PTPRD: variants seen among roughly 807,000 people sequenced by gnomAD.
PTPRD encodes receptor-type tyrosine-protein phosphatase delta.
A neutral mutation model predicts 214.5 loss-of-function variants in PTPRD; 34 were observed. The observed-to-expected ratio is 0.16, with a 90% CI of 0.12 to 0.21. PTPRD has a LOEUF of 0.21. Among genes scored for constraint, PTPRD ranks in the 10% least tolerant of loss-of-function variants. The pLI is 1.00. For synonymous variants in PTPRD, 1,128 were observed against 845.7 expected, an observed-to-expected ratio of 1.33 and a Z score of -5.79; for missense variants, 2,545 against 2,398.7, an observed-to-expected ratio of 1.06 and a Z score of -1.27.
chr9:10,044,322 C>T (rs2097350855), intron 3 of PTPRD, among the ~76,000 whole-genome samples: 1 of 151,770 alleles, frequency 6.6e-6, no homozygotes, highest in South Asian at 2.1e-4. Context: ...AATTATGCTA[C>T]TAAATTTTTC....
At chr9:8,558,302 C>T (rs1015718199) in intron 14 of PTPRD, among the ~76,000 whole-genome samples, 2 of 152,162 alleles carry the variant, frequency 1.3e-5, no homozygotes, top group African/African-American at 2.4e-5. Flanking sequence ...TTTCATTCAG[C>T]CTTGCCAGGA....
intron 7 of PTPRD, among the ~76,000 whole-genome samples, chr9:9,727,342 T>G (rs1479229500): frequency 1.3e-5 from 2 of 151,974 alleles, no homozygotes; most frequent in Non-Finnish European, 1.5e-5. Flanking sequence ...TCCCAGCTAC[T>G]CAGAAGTTGA....
In PTPRD at chr9:10,312,493, A is replaced by C. The variant is rs1425350239; in HGVS notation, c.-545+28470T>G. Among the ~76,000 whole-genome samples the C allele has an allele frequency of 5.3e-5, 8 of 152,118 alleles. No homozygotes were observed. In the East Asian group the frequency reaches 1.6e-3, roughly 29 times the overall value. Reference sequence around the variant, plus strand: ...GATTTTCAATAGGAAAACTCTAATAAGGTATTTTATAAAAACCTATCATAA... The same window carrying C: ...GATTTTCAATAGGAAAACTCTAATACGGTATTTTATAAAAACCTATCATAA... On this transcript the variant is annotated intron_variant, in intron 3 of 45. Coordinates refer to ENST00000381196, the MANE Select transcript of PTPRD (RefSeq NM_002839.4).
chr9:8,463,616 G>C (rs2096475684), intron 32 of PTPRD, among the ~76,000 whole-genome samples: 1 of 151,804 alleles, frequency 6.6e-6, no homozygotes, highest in African/African-American at 2.4e-5. Flanking sequence ...AGAGACATAT[G>C]AAAATGAAAA....
intron 36 of PTPRD, among the ~76,000 whole-genome samples, chr9:8,402,452 G>C (rs1325445284): frequency 6.6e-6 from 1 of 152,184 alleles, no homozygotes; most frequent in Non-Finnish European, 1.5e-5. Flanking sequence ...GTACAGCGAA[G>C]TGGTAGTTAT....
chr9:8,701,227 T>C (rs1339210038), intron 12 of PTPRD: 1 of 152,182 alleles, frequency 6.6e-6, no homozygotes, highest in Admixed American at 6.5e-5. Flanking sequence ...AAGAATCTTT[T>C]CCATTGCTCT....
At chr9:10,092,911 G>A (rs1209862079) in intron 3 of PTPRD, among the ~76,000 whole-genome samples, 1 of 151,590 alleles carries the variant, frequency 6.6e-6, no homozygotes, top group East Asian at 1.9e-4. Flanking sequence ...ACAGACGAAT[G>A]AAACTGGACT....
intron 11 of PTPRD, among the ~76,000 whole-genome samples, chr9:8,820,376 C>T (rs1045873933): frequency 6.6e-6 from 1 of 152,040 alleles, no homozygotes; most frequent in Non-Finnish European, 1.5e-5. Flanking sequence ...GGAAGAGAGT[C>T]TCTGCTCTCA....
chr9:10,264,023 G>A (rs1318362736), intron 3 of PTPRD, among the ~76,000 whole-genome samples: 2 of 152,170 alleles, frequency 1.3e-5, no homozygotes, highest in African/African-American at 4.8e-5. Flanking sequence ...TCCACAGGGT[G>A]CTGAGCCTGC....
chr9:9,336,167 G>A (rs963763051), intron 9 of PTPRD, among the ~76,000 whole-genome samples: 7 of 149,074 alleles, frequency 4.7e-5, no homozygotes, highest in Non-Finnish European at 8.8e-5. Context: ...GAGAAACAAA[G>A]ATAGGCTCTT....
intron 11 of PTPRD, among the ~76,000 whole-genome samples, chr9:8,885,275 G>A (rs1478629464): frequency 6.6e-6 from 1 of 152,074 alleles, no homozygotes; most frequent in African/African-American, 2.4e-5. Context: ...GAGGATTAGG[G>A]TGACCAATCA....
intron 11 of PTPRD, among the ~76,000 whole-genome samples, chr9:8,885,860 A>G (rs2098483259): frequency 1.3e-5 from 2 of 152,090 alleles, no homozygotes; most frequent in Admixed American, 1.3e-4. Flanking sequence ...ATAATTATGA[A>G]CATAGAGAAC....
chr9:8,904,960 G>A (rs1018702244), intron 11 of PTPRD, among the ~76,000 whole-genome samples: 4 of 152,138 alleles, frequency 2.6e-5, no homozygotes, highest in African/African-American at 9.7e-5. Flanking sequence ...AAAATTGGCC[G>A]AAGATGTAAA....
At chr9:10,435,177 A>G (rs1169980799) in intron 2 of PTPRD, among the ~76,000 whole-genome samples, 1 of 151,916 alleles carries the variant, frequency 6.6e-6, no homozygotes, top group African/African-American at 2.4e-5. Flanking sequence ...GTTCAAAAGT[A>G]CAATCTGTGG....
intron 39 of PTPRD, among the ~76,000 whole-genome samples, chr9:8,366,435 G>C (rs74584869): frequency 0.039 from 5,955 of 152,140 alleles, 410 homozygotes; most frequent in African/African-American, 0.14. Context: ...GAGATGGGAA[G>C]AGACAGAAAA....
intron 11 of PTPRD, among the ~76,000 whole-genome samples, chr9:8,805,399 A>G (rs978593708): frequency 1.3e-5 from 2 of 152,262 alleles, no homozygotes; most frequent in African/African-American, 2.4e-5. Context: ...ATCCAATCCC[A>G]TTATCAGAAA....
At chr9:10,044,764 T>C (rs2097359424) in intron 3 of PTPRD, among the ~76,000 whole-genome samples, 1 of 151,750 alleles carries the variant, frequency 6.6e-6, no homozygotes, top group Non-Finnish European at 1.5e-5. Flanking sequence ...GTTATTATTA[T>C]AATCACACAG....
chr9:10,154,566 G>T (rs555785522), intron 3 of PTPRD, among the ~76,000 whole-genome samples: 2 of 152,152 alleles, frequency 1.3e-5, no homozygotes, highest in Admixed American at 6.6e-5. Context: ...TTATTGCCTA[G>T]GTTGTCTTCC....
intron 8 of PTPRD, among the ~76,000 whole-genome samples, chr9:9,453,648 A>C (rs2092579170): frequency 6.6e-6 from 1 of 151,760 alleles, no homozygotes; most frequent in Non-Finnish European, 1.5e-5. Context: ...ATGTTTGTTT[A>C]CTGTTCTCTT....
Sources: allele counts gnomAD v4.1 joint callset (sites outside exome capture counted in the v4.1 genomes callset), GRCh38; gene constraint gnomAD v4.1.1; transcripts MANE v1.5; gene names NCBI Gene and HGNC (gene_info 2026-07-23, HGNC 2026-07-21).